PATJ: variants seen among roughly 807,000 people sequenced by gnomAD.
PATJ encodes inaD-like protein.
In PATJ, 190 loss-of-function variants were observed where a neutral mutation model predicts 224.9. The ratio of observed to expected loss-of-function variants is 0.84; its 90% CI spans 0.75 to 0.95. The LOEUF (loss-of-function observed/expected upper bound fraction) is 0.95, where lower values mean the gene tolerates loss of function less well. Ranked by LOEUF, PATJ falls within the 40% of genes least tolerant of loss-of-function variation. The pLI is 0.00. For missense variants in PATJ, 2,121 were observed against 2,270.3 expected (o/e 0.93, Z 1.34); for synonymous variants, 769 against 820.3 (o/e 0.94, Z 1.07).
chr1:61,867,126 G>C (rs1289416662), intron 20 of PATJ, among the ~76,000 whole-genome samples: 1 of 152,114 alleles, frequency 6.6e-6, no homozygotes, highest in East Asian at 1.9e-4. Context: ...CTCATCCTGT[G>C]ACTTAGAATG....
At chr1:62,068,452 A>G (rs984860383) in intron 31 of PATJ, among the ~76,000 whole-genome samples, 1 of 152,142 alleles carries the variant, frequency 6.6e-6, no homozygotes, top group Non-Finnish European at 1.5e-5. Flanking sequence ...CCTCCTGCAG[A>G]TGTGCTTCTT....
intron 42 of PATJ, among the ~76,000 whole-genome samples, chr1:62,149,509 TCTAC>T (rs1258858308): frequency 1.3e-5 from 2 of 152,172 alleles, no homozygotes; most frequent in Non-Finnish European, 2.9e-5. Context: ...TTAAGCTCAT[TCTAC>T]CTTTTTCTCA....
intron 30 of PATJ, among the ~76,000 whole-genome samples, chr1:62,044,714 G>A (rs764139330): frequency 2.0e-5 from 3 of 152,172 alleles, no homozygotes; most frequent in Non-Finnish European, 4.4e-5. Flanking sequence ...AGTTCCATTA[G>A]CATAATTTCC....
chr1:61,943,825 G>A (rs908917907), intron 27 of PATJ, among the ~76,000 whole-genome samples: 4 of 152,148 alleles, frequency 2.6e-5, no homozygotes, highest in African/African-American at 4.8e-5. Flanking sequence ...CTAACTGGGA[G>A]GCACCTCCCA....
At chr1:61,966,921 C>T (rs1287469315) in intron 27 of PATJ, among the ~76,000 whole-genome samples, 1 of 152,122 alleles carries the variant, frequency 6.6e-6, no homozygotes, top group African/African-American at 2.4e-5. Context: ...AGGTCACTCT[C>T]GTGGCCATCT....
chr1:61,956,872 C>A (rs1680512949), intron 27 of PATJ, among the ~76,000 whole-genome samples: 2 of 152,224 alleles, frequency 1.3e-5, no homozygotes, highest in African/African-American at 4.8e-5. Context: ...TCCTTGAGAA[C>A]AATCATTTTG....
intron 34 of PATJ, among the ~76,000 whole-genome samples, chr1:62,108,864 A>G (rs1663454842): frequency 6.6e-6 from 1 of 152,192 alleles, no homozygotes; most frequent in South Asian, 2.1e-4. Context: ...ACATATAGAT[A>G]CATACACATA....
rs762477495 is a variant in PATJ at position 61,833,750 on chromosome 1, T to G, written c.2077T>G (p.Cys693Gly). Residue 693 changes from cysteine to glycine, a missense_variant, in exon 17 of 44, where the codon TGT (cysteine) becomes GGT (glycine). Transcript: ENST00000642238. ...EVKIVELVKD[C>G]KGLGFSILDY... The stretch of plus-strand genomic sequence containing the variant: ...CAAGATTGTTGAACTAGTAAAAGAT[T>G]GTAAAGGTTTGGGATTCAGCATTTT... 8 of 1,613,496 alleles carry G rather than the reference T, an allele frequency of 5.0e-6. No individual in the cohort carries two copies. In the South Asian group the frequency reaches 8.8e-5, roughly 18 times the overall value.
chr1:61,837,454 T>C (rs1660354605), intron 17 of PATJ, among the ~76,000 whole-genome samples: 1 of 152,128 alleles, frequency 6.6e-6, no homozygotes, highest in Admixed American at 6.5e-5. Flanking sequence ...AATTGTGGAT[T>C]ATTGGCCAGA....
chr1:62,137,522 GC>G (rs1159643262), intron 41 of PATJ, among the ~76,000 whole-genome samples: 4 of 94,748 alleles, frequency 4.2e-5, no homozygotes, highest in Admixed American at 1.0e-4. Flanking sequence ...AGGGGGCACA[GC>G]AGTCTGAGGG....
chr1:62,143,476 C>A lies in PATJ; in HGVS notation c.5272-4808C>A, dbSNP rs1034741989. Reference sequence around the variant, plus strand: ...TTTTTTTTTTTTTTTTTTGAGACAGCGTCTCCCTCTGTCACCCAGGCTGAA... The same window carrying A: ...TTTTTTTTTTTTTTTTTTGAGACAGAGTCTCCCTCTGTCACCCAGGCTGAA... On this transcript the variant is annotated intron_variant, in intron 41 of 43. Coordinates refer to ENST00000642238, the MANE Select transcript of PATJ (RefSeq NM_001350145.3). 2.4e-4 allele frequency among the ~76,000 whole-genome samples: 27 copies of A among 111,118 alleles called. 1 individual carries two copies. The highest frequency in any genetic ancestry group is 9.5e-4 in the African/African-American group (26 of 27,364). 72.9% of individuals were successfully genotyped at this position (111,118 alleles called of 152,430 possible).
At chr1:61,955,606 A>G (rs1274782183) in intron 27 of PATJ, among the ~76,000 whole-genome samples, 1 of 152,258 alleles carries the variant, frequency 6.6e-6, no homozygotes, top group African/African-American at 2.4e-5. Context: ...AGCTAATCCA[A>G]GTAGCTACAT....
At chr1:61,868,833 C>T (rs998188972) in intron 20 of PATJ, among the ~76,000 whole-genome samples, 2 of 151,994 alleles carry the variant, frequency 1.3e-5, no homozygotes, top group African/African-American at 4.8e-5. Context: ...ATATATGTCT[C>T]GGAGAAAAAA....
Position 61,838,126 on chromosome 1 carries a change from G to T in PATJ, c.2112+4341G>T, listed in dbSNP as rs555854813. Among the ~76,000 whole-genome samples, 27 of 152,242 alleles carry T rather than the reference G, an allele frequency of 1.8e-4. No homozygotes were observed. The South Asian group carries it at 5.6e-3, about 32-fold the overall frequency. On this transcript the variant is annotated intron_variant, in intron 17 of 43. Coordinates refer to ENST00000642238, the MANE Select transcript of PATJ (RefSeq NM_001350145.3). ...ATAAGTTTCTTTATTAGCTCTTAGG[G>T]TACAGTGGTAGTAGCTTTGTTGGCT...
intron 3 of PATJ, 63 bp downstream of exon 3, chr1:61,763,242 AAGAT>A (rs1557598643): frequency 1.1e-5 from 11 of 979,308 alleles, no homozygotes; most frequent in East Asian, 2.9e-5. Flanking sequence ...CCATCAAAGA[AAGAT>A]AGAGGAGATA....
chr1:62,016,946 T>C (rs566915691), intron 28 of PATJ, among the ~76,000 whole-genome samples: 2 of 152,308 alleles, frequency 1.3e-5, no homozygotes, highest in South Asian at 4.1e-4. Flanking sequence ...CTGTAGGAAA[T>C]GAAATATGTG....
rs1558078165 is a variant in PATJ at position 62,038,749 on chromosome 1, C to A, written c.4032+700C>A. 1.2e-5 allele frequency: 5 copies of A among 425,944 alleles called. No individual in the cohort carries two copies. In the East Asian group the frequency reaches 2.4e-4, roughly 20 times the overall value. The allele number at this position is 425,944 out of a possible 1,614,324, so 26.4% of individuals were successfully genotyped here. A position where few individuals can be genotyped will look rare whatever the true frequency, so the allele number is the denominator to read the frequency against. ...AAACATAAATAGCTATATATAGTGT[C>A]CCTTTTAATAAAAATGTGATTGTGC... On this transcript the variant is annotated intron_variant, in intron 30 of 43. Transcript: ENST00000642238.
At chr1:61,997,865 G>T (rs1035754779) in intron 28 of PATJ, among the ~76,000 whole-genome samples, 2 of 147,446 alleles carry the variant, frequency 1.4e-5, no homozygotes, top group African/African-American at 5.0e-5. Context: ...CACCCAGGCT[G>T]GGGGTGCAAT....
At chr1:61,750,010 ATAAG>A (rs1439764408) in intron 1 of PATJ, among the ~76,000 whole-genome samples, 1 of 152,228 alleles carries the variant, frequency 6.6e-6, no homozygotes, top group Non-Finnish European at 1.5e-5. Context: ...TTGCTGAAGA[ATAAG>A]TATACAGTAT....
Sources: allele counts gnomAD v4.1 joint callset (sites outside exome capture counted in the v4.1 genomes callset), GRCh38; gene constraint gnomAD v4.1.1; transcripts MANE v1.5; gene names NCBI Gene and HGNC (gene_info 2026-07-23, HGNC 2026-07-21).